The following CTIF variants were observed in gnomAD, a reference collection of about 807,000 sequenced individuals.
CTIF encodes the protein cap binding complex dependent translation initiation factor, also known as CBP80/20-dependent translation initiation factor.
A neutral mutation model predicts 66.0 loss-of-function variants in CTIF; 21 were observed. That is an observed-to-expected ratio of 0.32 (90% CI 0.23 to 0.46). The LOEUF (loss-of-function observed/expected upper bound fraction) is 0.46. Ranked by LOEUF, CTIF falls within the 20% of genes least tolerant of loss-of-function variation. The pLI is 1.00. For synonymous variants in CTIF, 345 were observed against 326.4 expected (o/e 1.06, Z -0.62); for missense variants, 739 against 812.7 (o/e 0.91, Z 1.10).
intron 9 of CTIF, among the ~76,000 whole-genome samples, chr18:48,805,028 C>A (rs1387598440): frequency 6.6e-6 from 1 of 152,194 alleles, no homozygotes; most frequent in East Asian, 1.9e-4. Flanking sequence ...TTGCTAAATC[C>A]TTTTCTGTAA....
chr18:48,582,470 G>A (rs950115921), intron 1 of CTIF, among the ~76,000 whole-genome samples: 1 of 152,154 alleles, frequency 6.6e-6, no homozygotes, highest in African/African-American at 2.4e-5. Context: ...ATGCACATGA[G>A]GGCGTCTTTG....
chr18:48,576,627 A>G (rs2089538231), intron 1 of CTIF, among the ~76,000 whole-genome samples: 1 of 152,182 alleles, frequency 6.6e-6, no homozygotes, highest in South Asian at 2.1e-4. Flanking sequence ...GTAACCGTTT[A>G]ATTGCTGACA....
intron 9 of CTIF, among the ~76,000 whole-genome samples, chr18:48,798,648 A>G (rs1424926440): frequency 3.9e-5 from 6 of 152,184 alleles, no homozygotes. Flanking sequence ...GCCTTACATT[A>G]TAGCCCCCTC....
At chr18:48,848,131 C>T (rs1038956187) in intron 10 of CTIF, among the ~76,000 whole-genome samples, 4 of 152,232 alleles carry the variant, frequency 2.6e-5, no homozygotes, top group African/African-American at 7.2e-5. Context: ...CCTTTGTCTC[C>T]ACTGTCAGCA....
At chr18:48,612,335 C>T (rs1598738773) in intron 1 of CTIF, among the ~76,000 whole-genome samples, 1 of 152,222 alleles carries the variant, frequency 6.6e-6, no homozygotes, top group Admixed American at 6.5e-5. Context: ...CTCCAGCAGG[C>T]AGCATGGCCT....
intron 2 of CTIF, among the ~76,000 whole-genome samples, chr18:48,623,215 T>C (rs1280828607): frequency 6.6e-6 from 1 of 152,200 alleles, no homozygotes; most frequent in Non-Finnish European, 1.5e-5. Flanking sequence ...ACCTGTGTGG[T>C]GTGACATTTG....
intron 7 of CTIF, among the ~76,000 whole-genome samples, chr18:48,735,801 A>C (rs1369554187): frequency 3.3e-5 from 5 of 152,170 alleles, no homozygotes; most frequent in African/African-American, 1.2e-4. Context: ...GGTGAGAAGG[A>C]GGAGGCGCTC....
chr18:48,761,914 T>C lies in CTIF; in HGVS notation c.1371+225T>C, dbSNP rs1267871498. Reference sequence around the variant, plus strand: ...GCTCCCTGGTTACAATGGACCAATATAATTTTATAGGTGCTTTATGTTTAA... The same window carrying C: ...GCTCCCTGGTTACAATGGACCAATACAATTTTATAGGTGCTTTATGTTTAA... On this transcript the variant is annotated intron_variant, in intron 9 of 11. Transcript: ENST00000256413. The surrounding 1 kb of genome is among the most constrained non-coding windows in gnomAD (Gnocchi z 4.2). Among the ~76,000 whole-genome samples, 3 of 152,242 alleles carry C rather than the reference T, an allele frequency of 2.0e-5. No individual in the cohort carries two copies. Among genetic ancestry groups the C allele is most frequent in the African/African-American group, 7.2e-5 (3 of 41,460 alleles).
rs1228602634 is a variant in CTIF at position 48,572,617 on chromosome 18, C to T, written c.-29+33305C>T. Among the ~76,000 whole-genome samples, 5 of 152,174 alleles carry T rather than the reference C, an allele frequency of 3.3e-5. No homozygotes were observed. The East Asian group carries it at 7.7e-4, about 24-fold the overall frequency. ...CCATGGGAGTTAATGCTGCTTCATA[C>T]GTGGGGTGTGTGTCATCCTGGAGGA... On this transcript the variant is annotated intron_variant, in intron 1 of 11. Coordinates refer to ENST00000256413, the MANE Select transcript of CTIF (RefSeq NM_014772.3).
intron 9 of CTIF, among the ~76,000 whole-genome samples, chr18:48,778,448 C>G (rs1429246495): frequency 2.0e-5 from 3 of 152,212 alleles, no homozygotes; most frequent in Non-Finnish European, 4.4e-5. Context: ...CACAGGCATT[C>G]CCTTTTGGTA....
rs760731912 is a variant in CTIF at position 48,636,617 on chromosome 18, A to G, written c.184A>G (p.Thr62Ala). 6.3e-7 allele frequency: 1 copy of G among 1,575,548 alleles called. No individual in the cohort carries two copies. Among genetic ancestry groups the G allele is most frequent in the Non-Finnish European group, 8.6e-7 (1 of 1,164,216 alleles). The change falls in exon 3 of 12, where the codon ACA becomes GCA. Residue 62 changes from threonine to alanine, a missense_variant. By Grantham distance (58) the Thr-to-Ala change is moderately conservative. This residue lies in a region of CTIF where 529 missense variants were observed against 520.3 expected (regional missense o/e 1.02). Coordinates refer to ENST00000256413, the MANE Select transcript of CTIF (RefSeq NM_014772.3). ...ERTQSHISQW[T>A]ADCSEPLDSS... is the part of the protein sequence containing the mutation. ...ATCGCTCCTTTCTGTTCTGCAGTGG[A>G]CAGCGGACTGCAGCGAACCGCTGGA... is the stretch of plus-strand genomic sequence containing the variant.
intron 10 of CTIF, among the ~76,000 whole-genome samples, chr18:48,823,992 AC>A (rs2068533897): frequency 7.1e-6 from 1 of 141,036 alleles, no homozygotes; most frequent in Non-Finnish European, 1.6e-5. Context: ...ACACACACAC[AC>A]ACACACACAC....
In CTIF at chr18:48,610,637, G is replaced by C. The variant is rs142602849; in HGVS notation, c.-28-8901G>C. 1.1e-3 allele frequency among the ~76,000 whole-genome samples: 165 copies of C among 152,344 alleles called. 1 individual carries two copies. Among genetic ancestry groups the C allele is most frequent in the African/African-American group, 3.8e-3 (157 of 41,578 alleles). On this transcript the variant is annotated intron_variant, in intron 1 of 11. Coordinates refer to ENST00000256413, the MANE Select transcript of CTIF (RefSeq NM_014772.3). ...TCCGATCTCAGCCCCCATTCTGGGT[G>C]CCAGCACTGCAGGCCTGCTGAGCAG...
Position 48,788,573 on chromosome 18 carries a change from C to T in CTIF, c.1371+26884C>T, listed in dbSNP as rs561195040. Among the ~76,000 whole-genome samples, 13 of 152,256 alleles carry T rather than the reference C, an allele frequency of 8.5e-5. No homozygotes were observed. In the South Asian group the frequency reaches 1.9e-3, roughly 22 times the overall value. On this transcript the variant is annotated intron_variant, in intron 9 of 11. Transcript: ENST00000256413. ...CCCTGCCTGGCCACATACCTGCCCC[C>T]GGAGGCCTTGTTACTAAGAAGGGCT...
intron 6 of CTIF, among the ~76,000 whole-genome samples, chr18:48,706,017 C>T (rs1011101025): frequency 1.3e-5 from 2 of 152,164 alleles, no homozygotes; most frequent in Non-Finnish European, 2.9e-5. Flanking sequence ...TGTTGCATGG[C>T]GGGCCCCCTA....
chr18:48,742,113 T>G (rs2092559743), intron 7 of CTIF, among the ~76,000 whole-genome samples: 1 of 152,110 alleles, frequency 6.6e-6, no homozygotes, highest in South Asian at 2.1e-4. Context: ...AAGGAGACAT[T>G]TACTCTCAAC....
At chr18:48,674,168 A>G (rs1338615213) in intron 6 of CTIF, among the ~76,000 whole-genome samples, 1 of 152,252 alleles carries the variant, frequency 6.6e-6, no homozygotes, top group Non-Finnish European at 1.5e-5. Context: ...TTGATCACAT[A>G]AGATACAGTT....
At chr18:48,825,004 C>T (rs901170389) in intron 10 of CTIF, among the ~76,000 whole-genome samples, 4 of 152,186 alleles carry the variant, frequency 2.6e-5, no homozygotes, top group African/African-American at 9.7e-5. Context: ...CTCATCCTCT[C>T]TCTCCCCTGA....
At chr18:48,785,284 C>A (rs1911605814) in intron 9 of CTIF, among the ~76,000 whole-genome samples, 1 of 152,226 alleles carries the variant, frequency 6.6e-6, no homozygotes, top group South Asian at 2.1e-4. Flanking sequence ...AACCGAAACT[C>A]AGCTGTGGTT....
Sources: allele counts gnomAD v4.1 joint callset (sites outside exome capture counted in the v4.1 genomes callset), GRCh38; gene constraint gnomAD v4.1.1; regional missense constraint gnomAD v4.1.1; non-coding constraint Gnocchi (gnomAD v3.1); transcripts MANE v1.5; gene names NCBI Gene and HGNC (gene_info 2026-07-23, HGNC 2026-07-21).